DPP6: variants seen among roughly 807,000 people sequenced by gnomAD.
DPP6 encodes dipeptidyl peptidase like 6.
Under a neutral mutation model 122.6 loss-of-function variants are expected in DPP6, and 69 were observed. The observed-to-expected ratio is 0.56, with a 90% CI of 0.46 to 0.69. The LOEUF (loss-of-function observed/expected upper bound fraction) is 0.69. Ranked by LOEUF, DPP6 falls within the 30% of genes least tolerant of loss-of-function variation. The probability of loss-of-function intolerance (pLI) is 0.00; values close to 1 mark genes in which losing one functional copy is unlikely to be tolerated. For synonymous variants in DPP6, 418 were observed against 433.1 expected (o/e 0.97, Z 0.43); for missense variants, 928 against 1,116.9 (o/e 0.83, Z 2.41).
intron 7 of DPP6, among the ~76,000 whole-genome samples, chr7:154,705,520 G>T (rs550011534): frequency 1.3e-5 from 2 of 152,318 alleles, no homozygotes; most frequent in African/African-American, 4.8e-5. Context: ...GAGGCAAGAA[G>T]CAGTAGACTC....
At chr7:154,666,552 A>G (rs1838180681) in intron 6 of DPP6, among the ~76,000 whole-genome samples, 1 of 152,058 alleles carries the variant, frequency 6.6e-6, no homozygotes, top group Admixed American at 6.6e-5. Flanking sequence ...CATGCATTAC[A>G]TTCTTATTAA....
Position 154,724,375 on chromosome 7 carries a change from C to T in DPP6, c.763-3392C>T, listed in dbSNP as rs143757400. 2.4e-4 allele frequency among the ~76,000 whole-genome samples: 37 copies of T among 152,288 alleles called. No homozygotes were observed. In the East Asian group the frequency reaches 3.5e-3, roughly 14 times the overall value. On this transcript the variant is annotated intron_variant, in intron 7 of 25. Coordinates refer to ENST00000377770, the MANE Select transcript of DPP6 (RefSeq NM_130797.4). ...CTTTGCCTCATCCCACAACTTCACCCCAGACCTCAGGTCACTTCCCATGGT... is the reference window on the plus strand; with the variant it reads ...CTTTGCCTCATCCCACAACTTCACCTCAGACCTCAGGTCACTTCCCATGGT...
At chr7:153,935,821 G>A (rs1046491029) in intron 1 of DPP6, among the ~76,000 whole-genome samples, 8 of 152,124 alleles carry the variant, frequency 5.3e-5, no homozygotes, top group Admixed American at 3.9e-4. Flanking sequence ...CAAGGCTTTG[G>A]TGGGCTCCCC....
chr7:154,396,542 T>C (rs1360957409), intron 1 of DPP6, among the ~76,000 whole-genome samples: 1 of 152,186 alleles, frequency 6.6e-6, no homozygotes, highest in Non-Finnish European at 1.5e-5. Context: ...CGTGCTCATA[T>C]TGAAAGAAAG....
chr7:154,598,480 C>T (rs1356357204), intron 5 of DPP6, among the ~76,000 whole-genome samples: 1 of 152,204 alleles, frequency 6.6e-6, no homozygotes, highest in East Asian at 1.9e-4. Flanking sequence ...GCCCAGTTTC[C>T]AGCTGCCATC....
chr7:154,855,205 C>T (rs1802730471), intron 17 of DPP6, among the ~76,000 whole-genome samples: 1 of 152,170 alleles, frequency 6.6e-6, no homozygotes, highest in Admixed American at 6.5e-5. Flanking sequence ...AGAGACAGCA[C>T]TTAGCCAATA....
chr7:154,854,839 C>T lies in DPP6; in HGVS notation c.1714+1012C>T, dbSNP rs978678348. Among the ~76,000 whole-genome samples, 5 of 152,182 alleles carry T rather than the reference C, an allele frequency of 3.3e-5. No individual in the cohort carries two copies. In the South Asian group the frequency reaches 6.2e-4, roughly 19 times the overall value. On this transcript the variant is annotated intron_variant, in intron 17 of 25. Coordinates refer to ENST00000377770, the MANE Select transcript of DPP6 (RefSeq NM_130797.4). Reference sequence around the variant, plus strand: ...CTGAGAAGCAAAGAGAACTCGCCCTCGGTCCCTCCCTTTCCAGCCCTCCCT... The same window carrying T: ...CTGAGAAGCAAAGAGAACTCGCCCTTGGTCCCTCCCTTTCCAGCCCTCCCT...
intron 1 of DPP6, among the ~76,000 whole-genome samples, chr7:154,177,724 C>G (rs941783436): frequency 6.6e-6 from 1 of 152,184 alleles, no homozygotes; most frequent in African/African-American, 2.4e-5. Context: ...ACCCAGGTTT[C>G]TTTGTGATGT....
At chr7:154,741,476 C>T (rs1015530974) in intron 8 of DPP6, among the ~76,000 whole-genome samples, 1 of 152,228 alleles carries the variant, frequency 6.6e-6, no homozygotes, top group Non-Finnish European at 1.5e-5. Context: ...AAGAGAGCAC[C>T]TTTCAGCTCT....
chr7:154,654,578 C>A (rs1188390537), intron 6 of DPP6, among the ~76,000 whole-genome samples: 2 of 151,932 alleles, frequency 1.3e-5, no homozygotes, highest in South Asian at 4.2e-4. Flanking sequence ...GCCACCACAC[C>A]CAGCTAATTT....
At chr7:154,495,109 A>C in intron 3 of DPP6, among the ~76,000 whole-genome samples, 1 of 152,198 alleles carries the variant, frequency 6.6e-6, no homozygotes, top group Middle Eastern at 3.2e-3. Context: ...TATTGCAGGT[A>C]AAAAGGTTTA....
chr7:153,989,249 CTGAG>C (rs1268312454), intron 1 of DPP6, among the ~76,000 whole-genome samples: 12 of 123,972 alleles, frequency 9.7e-5, no homozygotes, highest in East Asian at 2.4e-4. Flanking sequence ...GTGTGTGTCA[CTGAG>C]TGGGCGAGTG....
intron 1 of DPP6, among the ~76,000 whole-genome samples, chr7:154,163,629 C>T (rs1429635866): frequency 6.6e-6 from 1 of 152,130 alleles, no homozygotes; most frequent in Non-Finnish European, 1.5e-5. Flanking sequence ...ATAAGATCGC[C>T]AGATTTGCTA....
chr7:154,528,683 C>T (rs571884556), intron 3 of DPP6, among the ~76,000 whole-genome samples: 1 of 152,268 alleles, frequency 6.6e-6, no homozygotes, highest in South Asian at 2.1e-4. Flanking sequence ...AGAGTTATTA[C>T]AAACAAATAA....
chr7:154,360,177 T>C (rs568608389), intron 1 of DPP6, among the ~76,000 whole-genome samples: 108 of 152,314 alleles, frequency 7.1e-4, no homozygotes, highest in African/African-American at 2.4e-3. Flanking sequence ...GTGTGTTATA[T>C]TAACTTTATT....
At chr7:154,515,402 G>T (rs1171185911) in intron 3 of DPP6, among the ~76,000 whole-genome samples, 1 of 152,204 alleles carries the variant, frequency 6.6e-6, no homozygotes, top group Non-Finnish European at 1.5e-5. Flanking sequence ...AGAGGACCTA[G>T]TTCTGGGCCA....
rs1222308271 is a variant in DPP6 at position 154,618,497 on chromosome 7, A to T, written c.628-19324A>T. 1.3e-5 allele frequency among the ~76,000 whole-genome samples: 2 copies of T among 152,206 alleles called. No individual in the cohort carries two copies. The highest frequency in any genetic ancestry group is 2.4e-5 in the African/African-American group (1 of 41,452). ...CTTTAGAAGATCAAAATCAGGGTGC[A>T]GGTAGGAGCCTTAGACAATTTCTAG... On this transcript the variant is annotated intron_variant, in intron 5 of 25. Coordinates refer to ENST00000377770, the MANE Select transcript of DPP6 (RefSeq NM_130797.4). The surrounding 1 kb of genome is among the most constrained non-coding windows in gnomAD (Gnocchi z 4.1).
At chr7:153,790,191 T>TA in the DPP6 span, among the ~76,000 whole-genome samples, 1 of 152,028 alleles carries the variant, frequency 6.6e-6, no homozygotes. Context: ...TTCAGTTCTC[T>TA]ACAACTTTAA....
intron 3 of DPP6, among the ~76,000 whole-genome samples, chr7:154,480,048 C>A (rs545119007): frequency 6.9e-6 from 1 of 144,904 alleles, no homozygotes; most frequent in South Asian, 2.5e-4. Flanking sequence ...GGTGACCTGT[C>A]TGCTGTCTGC....
Sources: allele counts gnomAD v4.1 joint callset (sites outside exome capture counted in the v4.1 genomes callset), GRCh38; gene constraint gnomAD v4.1.1; non-coding constraint Gnocchi (gnomAD v3.1); transcripts MANE v1.5; gene names NCBI Gene and HGNC (gene_info 2026-07-23, HGNC 2026-07-21).